The following B4GALT2 variants were observed in gnomAD, a reference collection of about 807,000 sequenced individuals.
B4GALT2 encodes the protein beta-1,4-galactosyltransferase 2.
A neutral mutation model predicts 33.2 loss-of-function variants in B4GALT2; 18 were observed. The observed-to-expected ratio is 0.54, with a 90% CI of 0.38 to 0.80. The LOEUF (loss-of-function observed/expected upper bound fraction) is 0.80, where lower values mean the gene tolerates loss of function less well. B4GALT2 is among the 30% of genes least tolerant of loss of function. The probability of loss-of-function intolerance (pLI) is 0.00; values close to 1 mark genes in which losing one functional copy is unlikely to be tolerated. For missense variants in B4GALT2, 404 were observed against 526.2 expected, an observed-to-expected ratio of 0.77 and a Z score of 2.27; for synonymous variants, 214 against 217.6, an observed-to-expected ratio of 0.98 and a Z score of 0.15.
chr1:43,989,534 A>G (rs374896202), intron 6 of B4GALT2, among the ~76,000 whole-genome samples: 1 of 152,176 alleles, frequency 6.6e-6, no homozygotes, highest in Non-Finnish European at 1.5e-5. Flanking sequence ...GGAGCTATGA[A>G]TATTTACGGA....
rs199953077 is a variant in B4GALT2, at chr1:43,985,293, C to G, written c.756C>G (p.Gly252=). The change falls in exon 5 of 7, where the codon GGC becomes GGG. Residue 252 remains glycine (G), a synonymous_variant. Transcript: ENST00000372324. ...DKFGFRLPYA[G]YFGGVSGLSK... is the part of the protein sequence containing the mutation. ...CATGCCACAGGCTTCCCTATGCTGG[C>G]TACTTTGGAGGTGTGTCAGGCCTGA... 9 of 1,612,826 alleles carry G rather than the reference C, an allele frequency of 5.6e-6. No individual in the cohort carries two copies. The highest frequency in any genetic ancestry group is 7.6e-6 in the Non-Finnish European group (9 of 1,179,274).
chr1:43,989,320 C>CAAAAAA lies in B4GALT2; in HGVS notation c.969-964_969-959dup, dbSNP rs34161254. Among the ~76,000 whole-genome samples the CAAAAAA allele has an allele frequency of 1.1e-3, 125 of 117,984 alleles. 2 individuals carry two copies. Among genetic ancestry groups the CAAAAAA allele is most frequent in the East Asian group, 6.0e-3 (24 of 4,004 alleles). The allele number at this position is 117,984 out of a possible 152,430, so 77.4% of individuals were successfully genotyped here. On this transcript the variant is annotated intron_variant, in intron 6 of 6. Transcript: ENST00000372324. ...GAGGTGGTGCCATTGTACTCTGTCT[C>CAAAAAA]AAAAAAAAAAAAAAAAAAATCACTA...
At chr1:43,985,869 C>G in intron 6 of B4GALT2, 1 of 574,096 alleles carries the variant, frequency 1.7e-6, no homozygotes, top group Non-Finnish European at 3.1e-6. Context: ...GACCTCTGGC[C>G]TGATTCCTAG....
intron 6 of B4GALT2, among the ~76,000 whole-genome samples, chr1:43,989,544 A>AG (rs1376583725): frequency 7.9e-5 from 12 of 152,220 alleles, no homozygotes; most frequent in African/African-American, 2.9e-4. Flanking sequence ...ATATTTACGG[A>AG]GGGGGTCCTG....
chr1:43,981,174 TG>T lies in B4GALT2; in HGVS notation c.21del (p.Thr8ArgfsTer102), dbSNP rs759490732. MSRL[L>X]GGTLERVCKA... ...GCCGCCTGCGGGATGAGCAGACTGC[TG>T]GGGGGGACGCTGGAGCGCGTCTGCA... On this transcript the variant is annotated frameshift_variant, in exon 2 of 7. Coordinates refer to ENST00000372324, the MANE Select transcript of B4GALT2 (RefSeq NM_003780.5). LOFTEE classifies it high-confidence loss of function. This position sits in a 1 kb window ranked among gnomAD's most constrained non-coding sequence, Gnocchi z 8.1. 3 of 1,599,786 alleles carry T rather than the reference TG, an allele frequency of 1.9e-6. No homozygotes were observed. The highest frequency in any genetic ancestry group is 8.5e-7 in the Non-Finnish European group (1 of 1,179,712).
In B4GALT2 at chr1:43,985,258, C is replaced by T. The variant is rs757521505; in HGVS notation, c.741-20C>T. 7 of 1,603,626 alleles carry T rather than the reference C, an allele frequency of 4.4e-6. No homozygotes were observed. Among genetic ancestry groups the T allele is most frequent in the East Asian group, 2.2e-5 (1 of 44,746 alleles). The stretch of plus-strand genomic sequence containing the variant: ...AGTCCCCTTGGGACCCTTACTGACA[C>T]CTGCCTTCCCATGCCACAGGCTTCC... On this transcript the variant is annotated intron_variant, in intron 4 of 6. Coordinates refer to ENST00000372324, the MANE Select transcript of B4GALT2 (RefSeq NM_003780.5).
Position 43,981,019 on chromosome 1 carries a change from C to T in B4GALT2, c.-52-90C>T, listed in dbSNP as rs567382513. On this transcript the variant is annotated intron_variant, in intron 1 of 6. Transcript: ENST00000372324. This position sits in a 1 kb window ranked among gnomAD's most constrained non-coding sequence, Gnocchi z 8.1. Reference sequence around the variant, plus strand: ...GCAGGTCAGTGTGAGGTGTGGCCCACGAGTGTGAGCAGCTGAGTGGGAGGT... The same window carrying T: ...GCAGGTCAGTGTGAGGTGTGGCCCATGAGTGTGAGCAGCTGAGTGGGAGGT... 2.7e-4 allele frequency: 395 copies of T among 1,436,466 alleles called. No homozygotes were observed. The highest frequency in any genetic ancestry group is 5.1e-4 in the Middle Eastern group (2 of 3,916). 89.0% of individuals were successfully genotyped at this position (1,436,466 alleles called of 1,614,324 possible).
rs945302779 is a variant in B4GALT2, at chr1:43,990,729, C to T, written c.*281C>T. 2.1e-6 allele frequency: 1 copy of T among 472,010 alleles called. No homozygotes were observed. The highest frequency in any genetic ancestry group is 3.9e-6 in the Non-Finnish European group (1 of 256,870). The allele number at this position is 472,010 out of a possible 1,614,324, so 29.2% of individuals were successfully genotyped here. ...CCAGTCACTGTCAGGGTCGGGCCAGCCCCTGCACTGCCTCGCAGAGTGGCC... is the reference window on the plus strand; with the variant it reads ...CCAGTCACTGTCAGGGTCGGGCCAGTCCCTGCACTGCCTCGCAGAGTGGCC... On this transcript the variant is annotated 3_prime_UTR_variant, in exon 7 of 7. Transcript: ENST00000372324.
intron 1 of B4GALT2, chr1:43,980,577 G>A (rs2085583112): frequency 8.0e-6 from 8 of 995,746 alleles, no homozygotes; most frequent in Non-Finnish European, 9.6e-6. Flanking sequence ...CTCCTGGAAG[G>A]ACTAAATGAA....
Position 43,979,430 on chromosome 1 carries a change from G to C in B4GALT2, c.-134G>C, listed in dbSNP as rs866712708. 3 of 151,006 alleles carry C rather than the reference G, an allele frequency of 2.0e-5. No homozygotes were observed. Among genetic ancestry groups the C allele is most frequent in the African/African-American group, 4.9e-5 (2 of 41,168 alleles). 9.4% of individuals were successfully genotyped at this position (151,006 alleles called of 1,614,324 possible). On this transcript the variant is annotated 5_prime_UTR_variant, in exon 1 of 7. Transcript: ENST00000372324. This position sits in a 1 kb window ranked among gnomAD's most constrained non-coding sequence, Gnocchi z 4.8. ...GGGAGGCGGCGGGGCCGGGCCATGG[G>C]GGACGGAACCGTCCGCAGCCGCCGG...
At position 43,981,674 on chromosome 1, in the gene B4GALT2, CTG is replaced by C; in HGVS notation, c.314-13_314-12del. On this transcript the variant is annotated splice_polypyrimidine_tract_variant and intron_variant, in intron 2 of 6. Transcript: ENST00000372324. This position sits in a 1 kb window ranked among gnomAD's most constrained non-coding sequence, Gnocchi z 8.1. ...CTGGCCAATGCCCTGATTCCTGACA[CTG>C]TCCTGTCTGCAGTGGGCAGACTGCT... 1 of 1,594,766 alleles carries C rather than the reference CTG, an allele frequency of 6.3e-7. No homozygotes were observed. The highest frequency in any genetic ancestry group is 1.1e-5 in the South Asian group (1 of 89,072).
At chr1:43,987,091 C>T (rs1404730420) in intron 6 of B4GALT2, among the ~76,000 whole-genome samples, 1 of 152,044 alleles carries the variant, frequency 6.6e-6, no homozygotes, top group Non-Finnish European at 1.5e-5. Context: ...CTATGGTCAG[C>T]AGGAAACAGG....
rs750561647 is a variant in B4GALT2, at chr1:43,979,929, C to G, written c.-53+418C>G. On this transcript the variant is annotated intron_variant, in intron 1 of 6. Transcript: ENST00000372324. The surrounding 1 kb of genome is among the most constrained non-coding windows in gnomAD (Gnocchi z 4.8). Reference sequence around the variant, plus strand: ...CGCACCCCTCAGCCTGGCCGCCAGCCTGACCCAGAACCCCTGCGCCGGAGG... The same window carrying G: ...CGCACCCCTCAGCCTGGCCGCCAGCGTGACCCAGAACCCCTGCGCCGGAGG... 1.3e-6 allele frequency: 2 copies of G among 1,497,796 alleles called. No individual in the cohort carries two copies. Among genetic ancestry groups the G allele is most frequent in the Non-Finnish European group, 1.8e-6 (2 of 1,119,168 alleles). 92.8% of individuals were successfully genotyped at this position (1,497,796 alleles called of 1,614,324 possible).
At position 43,983,338 on chromosome 1, in the gene B4GALT2, C is replaced by T. The variant is rs184332587; in HGVS notation, c.549+1414C>T. On this transcript the variant is annotated intron_variant, in intron 3 of 6. Coordinates refer to ENST00000372324, the MANE Select transcript of B4GALT2 (RefSeq NM_003780.5). The stretch of plus-strand genomic sequence containing the variant: ...TTCAGGGATGGAGGGAGAAAGAGGC[C>T]GCTACAGAGGCCGAGAGGCTTGGCC... Among the ~76,000 whole-genome samples the T allele has an allele frequency of 4.0e-3, 616 of 152,186 alleles. 2 individuals are homozygous for T. The highest frequency in any genetic ancestry group is 6.7e-3 in the Non-Finnish European group (455 of 67,992).
chr1:43,990,639 GCTCTTCA>G lies in B4GALT2; in HGVS notation c.*192_*198del. ...TTTGGGGGGCCTCCTGCCTGGGCAG[GCTCTTCA>G]AGTGTGGCCCTCTTTGGAGTCAACC... On this transcript the variant is annotated 3_prime_UTR_variant, in exon 7 of 7. Coordinates refer to ENST00000372324, the MANE Select transcript of B4GALT2 (RefSeq NM_003780.5). 1.3e-6 allele frequency: 1 copy of G among 757,822 alleles called. No individual in the cohort carries two copies. Among genetic ancestry groups the G allele is most frequent in the Non-Finnish European group, 2.1e-6 (1 of 481,656 alleles). The allele number at this position is 757,822 out of a possible 1,614,324, so 46.9% of individuals were successfully genotyped here.
intron 1 of B4GALT2, chr1:43,980,561 C>G: frequency 5.0e-6 from 5 of 994,476 alleles, no homozygotes; most frequent in Non-Finnish European, 6.0e-6. Flanking sequence ...CCACTTCCCA[C>G]CATGGCTCCT....
rs2085571808 is a variant in B4GALT2 at position 43,979,668 on chromosome 1, C to G, written c.-53+157C>G. On this transcript the variant is annotated intron_variant, in intron 1 of 6. Transcript: ENST00000372324. This position sits in a 1 kb window ranked among gnomAD's most constrained non-coding sequence, Gnocchi z 4.8. ...CCGGCCTGGCTGCCCCCACCCCGCCCCCACTCCGGCGCCCCTCCTGGGCTT... is the reference window on the plus strand; with the variant it reads ...CCGGCCTGGCTGCCCCCACCCCGCCGCCACTCCGGCGCCCCTCCTGGGCTT... The G allele has an allele frequency of 4.5e-6, 1 of 220,292 alleles. No homozygotes were observed. Among genetic ancestry groups the G allele is most frequent in the Non-Finnish European group, 9.0e-6 (1 of 110,552 alleles). 13.6% of individuals were successfully genotyped at this position (220,292 alleles called of 1,614,324 possible).
intron 6 of B4GALT2, among the ~76,000 whole-genome samples, chr1:43,987,083 A>G (rs1044118300): frequency 2.0e-5 from 3 of 152,108 alleles, no homozygotes; most frequent in African/African-American, 7.2e-5. Flanking sequence ...GATGAAAACT[A>G]TGGTCAGCAG....
In B4GALT2 at chr1:43,981,148, G is replaced by A; in HGVS notation, c.-13G>A. ...GCCCGGGCCCACTGGGCGGGCCAGT[G>A]GCCGCCTGCGGGATGAGCAGACTGC... On this transcript the variant is annotated 5_prime_UTR_variant, in exon 2 of 7. Transcript: ENST00000372324. The surrounding 1 kb of genome is among the most constrained non-coding windows in gnomAD (Gnocchi z 8.1). 1 of 1,597,546 alleles carries A rather than the reference G, an allele frequency of 6.3e-7. No individual in the cohort carries two copies. Among genetic ancestry groups the A allele is most frequent in the Non-Finnish European group, 8.5e-7 (1 of 1,179,050 alleles).
Sources: allele counts gnomAD v4.1 joint callset (sites outside exome capture counted in the v4.1 genomes callset), GRCh38; gene constraint gnomAD v4.1.1; non-coding constraint Gnocchi (gnomAD v3.1); transcripts MANE v1.5; gene names NCBI Gene and HGNC (gene_info 2026-07-23, HGNC 2026-07-21).